FGF14: variants seen among roughly 807,000 people sequenced by gnomAD.
FGF14 encodes the protein fibroblast growth factor homologous factor 4.
In FGF14, 5 loss-of-function variants were observed where a neutral mutation model predicts 25.5. The ratio of observed to expected loss-of-function variants is 0.20; its 90% CI spans 0.10 to 0.41. The LOEUF is 0.41. FGF14 is among the 10% of genes least tolerant of loss of function. The pLI, the probability that FGF14 is intolerant of heterozygous loss-of-function variation, is 1.00. For missense variants in FGF14, 222 were observed against 320.1 expected (o/e 0.69, Z 2.34); for synonymous variants, 138 against 118.3 (o/e 1.17, Z -1.08).
intron 1 of FGF14, among the ~76,000 whole-genome samples, chr13:101,899,183 T>C (rs1396081167): frequency 1.4e-5 from 2 of 147,026 alleles, no homozygotes; most frequent in African/African-American, 5.2e-5. Context: ...AACTGGAATC[T>C]TCTGCCCCAA....
chr13:101,990,410 TAA>T (rs1268781120), intron 1 of FGF14, among the ~76,000 whole-genome samples: 3 of 150,566 alleles, frequency 2.0e-5, no homozygotes, highest in African/African-American at 7.4e-5. Flanking sequence ...TTAACAATTT[TAA>T]ATACTTTAGA....
rs145053939 is a variant in FGF14, at chr13:101,916,782, G to T, written c.-137C>A. On this transcript the variant is annotated 5_prime_UTR_variant, in exon 1 of 5. Coordinates refer to ENST00000376143, the MANE Select transcript of FGF14 (RefSeq NM_004115.4). Reference sequence around the variant, plus strand: ...GGGGTGCCAGGCGGGACTGGGGAGAGGGGAAGGGGGGCTCAGTCCTGACCG... The same window carrying T: ...GGGGTGCCAGGCGGGACTGGGGAGATGGGAAGGGGGGCTCAGTCCTGACCG... 3,927 of 734,470 alleles carry T rather than the reference G, an allele frequency of 5.3e-3. 114 individuals are homozygous for T. In the African/African-American group the frequency reaches 0.063, roughly 12 times the overall value. The allele number at this position is 734,470 out of a possible 1,614,324, so 45.5% of individuals were successfully genotyped here. A position where few individuals can be genotyped will look rare whatever the true frequency, so the allele number is the denominator to read the frequency against.
At chr13:102,009,080 G>A (rs1277594972) in intron 1 of FGF14, among the ~76,000 whole-genome samples, 1 of 152,134 alleles carries the variant, frequency 6.6e-6, no homozygotes, top group Non-Finnish European at 1.5e-5. Context: ...AACAAATGGA[G>A]TACAGATTTA....
chr13:101,964,037 A>G (rs970058686), intron 1 of FGF14, among the ~76,000 whole-genome samples: 11 of 152,274 alleles, frequency 7.2e-5, no homozygotes, highest in Non-Finnish European at 1.5e-4. Flanking sequence ...CCACAAAGTC[A>G]TAAGGGAATT....
intron 1 of FGF14, among the ~76,000 whole-genome samples, chr13:102,126,918 G>C (rs1472040665): frequency 6.6e-6 from 1 of 152,150 alleles, no homozygotes; most frequent in Non-Finnish European, 1.5e-5. Flanking sequence ...AATACCTAAA[G>C]AAGATTTAAC....
intron 1 of FGF14, among the ~76,000 whole-genome samples, chr13:101,948,839 T>C (rs2035980640): frequency 6.6e-6 from 1 of 152,214 alleles, no homozygotes; most frequent in Non-Finnish European, 1.5e-5. Context: ...TAGCTCAACT[T>C]TGCCTTGAAT....
At chr13:101,748,625 T>C (rs539787346) in intron 3 of FGF14, among the ~76,000 whole-genome samples, 22 of 151,542 alleles carry the variant, frequency 1.5e-4, no homozygotes, top group African/African-American at 5.3e-4. Flanking sequence ...CCCTAAATTA[T>C]ACAAATTAAA....
intron 1 of FGF14, among the ~76,000 whole-genome samples, chr13:102,295,966 A>C (rs944803450): frequency 6.6e-6 from 1 of 152,156 alleles, no homozygotes; most frequent in Non-Finnish European, 1.5e-5. Context: ...TGAACTATAG[A>C]AGAAAAAAAA....
At chr13:101,952,280 C>A (rs1350309022) in intron 1 of FGF14, among the ~76,000 whole-genome samples, 1 of 152,088 alleles carries the variant, frequency 6.6e-6, no homozygotes, top group Non-Finnish European at 1.5e-5. Flanking sequence ...GGCTTGTTTA[C>A]CATACACTAT....
chr13:102,109,306 A>C (rs1475360848), intron 1 of FGF14, among the ~76,000 whole-genome samples: 1 of 152,196 alleles, frequency 6.6e-6, no homozygotes, highest in Non-Finnish European at 1.5e-5. Context: ...AGGATATGAC[A>C]TTTCAGGTAG....
At position 102,182,062 on chromosome 13, in the gene FGF14, C is replaced by T. The variant is rs1211056734; in HGVS notation, c.208+219409G>A. Among the ~76,000 whole-genome samples the T allele has an allele frequency of 2.6e-5, 4 of 152,108 alleles. No homozygotes were observed. In the East Asian group the frequency reaches 7.7e-4, roughly 29 times the overall value. The stretch of plus-strand genomic sequence containing the variant: ...ACTTTGTTATGGCAGCCCTAGAAAA[C>T]TAACTCCTGGACCCTGCATTGTGAA... On this transcript the variant is annotated intron_variant, in intron 1 of 4. Coordinates refer to the FGF14 transcript ENST00000376131.
At chr13:102,171,969 CATGTATTT>C (rs1455330033) in intron 1 of FGF14, among the ~76,000 whole-genome samples, 3 of 127,842 alleles carry the variant, frequency 2.3e-5, no homozygotes, top group Admixed American at 8.4e-5. Context: ...ATGCACTTAC[CATGTATTT>C]ATTTATTTAT....
At chr13:102,142,271 C>A (rs2046673889) in intron 1 of FGF14, among the ~76,000 whole-genome samples, 1 of 152,102 alleles carries the variant, frequency 6.6e-6, no homozygotes, top group Non-Finnish European at 1.5e-5. Flanking sequence ...TATATTGCAT[C>A]TTTTCTTAAC....
At chr13:102,262,356 C>G (rs988804131) in intron 1 of FGF14, among the ~76,000 whole-genome samples, 1 of 152,038 alleles carries the variant, frequency 6.6e-6, no homozygotes, top group Non-Finnish European at 1.5e-5. Context: ...TTGCTTGGAC[C>G]TCCCTTTCAA....
intron 1 of FGF14, among the ~76,000 whole-genome samples, chr13:102,202,386 C>G (rs567289157): frequency 2.0e-5 from 3 of 152,046 alleles, no homozygotes; most frequent in South Asian, 4.2e-4. Context: ...TTCTCATTCC[C>G]CCACACAAAA....
intron 1 of FGF14, among the ~76,000 whole-genome samples, chr13:102,174,919 A>G (rs2048382825): frequency 6.6e-6 from 1 of 152,104 alleles, no homozygotes. Context: ...TATCTAAAAT[A>G]AAAGTTGAAA....
chr13:101,838,548 T>C (rs973086160), intron 3 of FGF14, among the ~76,000 whole-genome samples: 4 of 152,110 alleles, frequency 2.6e-5, no homozygotes, highest in Non-Finnish European at 5.9e-5. Context: ...TTTGGTCACT[T>C]GGTAATCACA....
At position 101,767,435 on chromosome 13, in the gene FGF14, C is replaced by T. The variant is rs529364457; in HGVS notation, c.409-40625G>A. ...GCTACCGATATAGAGCAAAGCTTTACTAAAAGCTGATATGTGGAAGCAAAG... is the reference window on the plus strand; with the variant it reads ...GCTACCGATATAGAGCAAAGCTTTATTAAAAGCTGATATGTGGAAGCAAAG... On this transcript the variant is annotated intron_variant, in intron 3 of 4. Coordinates refer to ENST00000376143, the MANE Select transcript of FGF14 (RefSeq NM_004115.4). 2.0e-5 allele frequency among the ~76,000 whole-genome samples: 3 copies of T among 152,058 alleles called. No homozygotes were observed. In the South Asian group the frequency reaches 6.2e-4, roughly 32 times the overall value.
intron 1 of FGF14, among the ~76,000 whole-genome samples, chr13:102,178,215 C>T (rs2140729123): frequency 6.6e-6 from 1 of 152,184 alleles, no homozygotes. Context: ...ATTACAGAAA[C>T]ACCATTATGG....
Sources: allele counts gnomAD v4.1 joint callset (sites outside exome capture counted in the v4.1 genomes callset), GRCh38; gene constraint gnomAD v4.1.1; transcripts MANE v1.5; gene names NCBI Gene and HGNC (gene_info 2026-07-23, HGNC 2026-07-21).